IL1RAPL2: variants seen among roughly 807,000 people sequenced by gnomAD.
IL1RAPL2 encodes interleukin 1 receptor accessory protein like 2, also known as X-linked interleukin-1 receptor accessory protein-like 2.
A neutral mutation model predicts 44.1 loss-of-function variants in IL1RAPL2; 3 were observed. The observed-to-expected ratio is 0.07, with a 90% CI of 0.03 to 0.18. IL1RAPL2 has a LOEUF of 0.18. Ranked by LOEUF, IL1RAPL2 falls within the 10% of genes least tolerant of loss-of-function variation. The pLI is 1.00. For missense variants in IL1RAPL2, 391 were observed against 496.4 expected (o/e 0.79, Z 2.02); for synonymous variants, 181 against 178.8 (o/e 1.01, Z -0.10).
At chrX:105,084,458 G>T (rs1031120497) in intron 2 of IL1RAPL2, among the ~76,000 whole-genome samples, 1 of 112,930 alleles carries the variant, frequency 8.9e-6, no homozygotes, top group African/African-American at 3.2e-5. Flanking sequence ...AAGAAGATCA[G>T]TTCAGCGTTT....
intron 2 of IL1RAPL2, among the ~76,000 whole-genome samples, chrX:105,192,729 A>G (rs2033642770): frequency 2.1e-5 from 1 of 48,533 alleles, no homozygotes; most frequent in Admixed American, 2.7e-4. Context: ...ATTCCCTGAG[A>G]TCTCTTGAAA....
chrX:105,183,171 G>A (rs1347617481), intron 2 of IL1RAPL2, among the ~76,000 whole-genome samples: 1 of 111,469 alleles, frequency 9.0e-6, no homozygotes, highest in Non-Finnish European at 1.9e-5. Context: ...TGTGGTGGGT[G>A]CAGAGAGCCT....
intron 5 of IL1RAPL2, among the ~76,000 whole-genome samples, chrX:105,291,613 A>G (rs899730995): frequency 1.8e-5 from 2 of 111,606 alleles, no homozygotes; most frequent in Non-Finnish European, 3.8e-5. Context: ...AGAAGATCCA[A>G]ACAATAAAAA....
rs769636781 is a variant in IL1RAPL2, at chrX:105,385,553, A to G, written c.698-98760A>G. Among the ~76,000 whole-genome samples, 89 of 111,285 alleles carry G rather than the reference A, an allele frequency of 8.0e-4. 1 individual carries two copies. The highest frequency in any genetic ancestry group is 1.5e-3 in the Non-Finnish European group (81 of 52,992). On this transcript the variant is annotated intron_variant, in intron 5 of 10. Transcript: ENST00000372582. Reference sequence around the variant, plus strand: ...AATCCAGGTATGAGAAAATAAATGTATAAACTATAGTAGTAACAATGAGAA... The same window carrying G: ...AATCCAGGTATGAGAAAATAAATGTGTAAACTATAGTAGTAACAATGAGAA...
intron 5 of IL1RAPL2, among the ~76,000 whole-genome samples, chrX:105,399,751 A>G (rs1304798917): frequency 9.0e-6 from 1 of 111,366 alleles, no homozygotes; most frequent in East Asian, 2.8e-4. Flanking sequence ...CACTGTAGAT[A>G]TAATGGTAAA....
At chrX:105,383,625 C>G (rs1482906255) in intron 5 of IL1RAPL2, among the ~76,000 whole-genome samples, 1 of 111,681 alleles carries the variant, frequency 9.0e-6, no homozygotes. Flanking sequence ...GAATATCTGC[C>G]CAGTAATGAG....
intron 5 of IL1RAPL2, among the ~76,000 whole-genome samples, chrX:105,384,757 A>AT (rs761596713): frequency 1.2e-4 from 13 of 111,123 alleles, no homozygotes; most frequent in African/African-American, 3.6e-4. Flanking sequence ...GTAGCTGTCC[A>AT]TTTTTTGTGT....
chrX:105,358,674 C>CAAAA (rs66659226), intron 5 of IL1RAPL2, among the ~76,000 whole-genome samples: 1 of 29,554 alleles, frequency 3.4e-5, no homozygotes, highest in African/African-American at 6.2e-5. Context: ...GACCCTGTCT[C>CAAAA]AAAAAAAAAA....
intron 2 of IL1RAPL2, among the ~76,000 whole-genome samples, chrX:105,023,784 G>A (rs1443363951): frequency 9.0e-6 from 1 of 111,299 alleles, no homozygotes; most frequent in Non-Finnish European, 1.9e-5. Flanking sequence ...TAAAAAAGTA[G>A]AATAGACATT....
Position 104,670,088 on chromosome X carries a change from TCA to T in IL1RAPL2, c.82+11097_82+11098del, listed in dbSNP as rs952579182. ...AGGGAGTCTATTAAGGAGAATTGACTCACACGATCACAAAGTGAAGTCCCACG... is the reference window on the plus strand; with the variant it reads ...AGGGAGTCTATTAAGGAGAATTGACTCACGATCACAAAGTGAAGTCCCACG... On this transcript the variant is annotated intron_variant, in intron 2 of 10. Coordinates refer to ENST00000372582, the MANE Select transcript of IL1RAPL2 (RefSeq NM_017416.2). Among the ~76,000 whole-genome samples, 27 of 111,508 alleles carry T rather than the reference TCA, an allele frequency of 2.4e-4. No individual in the cohort carries two copies. The Admixed American group carries it at 2.5e-3, about 10-fold the overall frequency.
intron 2 of IL1RAPL2, among the ~76,000 whole-genome samples, chrX:104,694,943 G>A (rs1931152591): frequency 8.9e-6 from 1 of 112,037 alleles, no homozygotes; most frequent in Admixed American, 9.4e-5. Flanking sequence ...TAATGAGTAG[G>A]GCTCTGCAGC....
At chrX:104,644,063 A>G (rs1226439080) in intron 1 of IL1RAPL2, among the ~76,000 whole-genome samples, 1 of 111,740 alleles carries the variant, frequency 8.9e-6, no homozygotes, top group African/African-American at 3.3e-5. Context: ...ATTGCCACGC[A>G]ATTCTTGTTG....
chrX:104,601,957 TATTTATAATAGCAAA>T (rs1928890761), intron 1 of IL1RAPL2, among the ~76,000 whole-genome samples: 1 of 112,120 alleles, frequency 8.9e-6, no homozygotes, highest in African/African-American at 3.2e-5. Context: ...GTTACAGCAC[TATTTATAATAGCAAA>T]GACATGTAAT....
intron 2 of IL1RAPL2, among the ~76,000 whole-genome samples, chrX:104,665,759 G>A (rs567513143): frequency 9.0e-6 from 1 of 110,826 alleles, no homozygotes; most frequent in Admixed American, 9.7e-5. Context: ...ATATTCCATT[G>A]TGTGGACTTA....
At chrX:105,337,350 G>A (rs973413471) in intron 5 of IL1RAPL2, among the ~76,000 whole-genome samples, 5 of 112,400 alleles carry the variant, frequency 4.4e-5, no homozygotes, top group African/African-American at 1.6e-4. Context: ...AGAGAAGGGA[G>A]AGATCATTTT....
intron 2 of IL1RAPL2, among the ~76,000 whole-genome samples, chrX:104,980,960 C>T (rs2030425339): frequency 9.1e-6 from 1 of 109,981 alleles, no homozygotes; most frequent in South Asian, 3.9e-4. Context: ...AATGCTTTTC[C>T]ATTTGTTTGT....
chrX:105,658,507 A>C, intron 6 of IL1RAPL2, among the ~76,000 whole-genome samples: 1 of 111,948 alleles, frequency 8.9e-6, no homozygotes. Context: ...ATATCCAGAC[A>C]CTGACTAACA....
chrX:105,628,029 G>GGAGGTGGGAT (rs2147833927), intron 6 of IL1RAPL2, among the ~76,000 whole-genome samples: 1 of 111,596 alleles, frequency 9.0e-6, no homozygotes, highest in Non-Finnish European at 1.9e-5. Context: ...TGGGGAGGGA[G>GGAGGTGGGAT]GAGGTGGGAT....
intron 6 of IL1RAPL2, among the ~76,000 whole-genome samples, chrX:105,636,254 A>G (rs1258976398): frequency 5.4e-5 from 6 of 111,349 alleles, no homozygotes; most frequent in Non-Finnish European, 1.1e-4. Context: ...CCCTGATCTC[A>G]TCAAAATGTG....
Sources: gnomAD v4.1 joint callset for allele counts (sites outside exome capture counted in the v4.1 genomes callset) on GRCh38, gnomAD v4.1.1 for gene constraint, MANE v1.5 for transcripts, NCBI Gene and HGNC (gene_info 2026-07-23, HGNC 2026-07-21) for gene names.